The following CLSTN3 variants were observed in gnomAD, a reference collection of about 807,000 sequenced individuals.
CLSTN3 encodes the protein calsyntenin-3.
In CLSTN3, 36 loss-of-function variants were observed where a neutral mutation model predicts 95.9. The observed-to-expected ratio is 0.38, with a 90% CI of 0.29 to 0.50. The LOEUF (loss-of-function observed/expected upper bound fraction) is 0.50, where lower values mean the gene tolerates loss of function less well. Among genes scored for constraint, CLSTN3 ranks in the 20% least tolerant of loss-of-function variants. The pLI, the probability that CLSTN3 is intolerant of heterozygous loss-of-function variation, is 0.95. For missense variants in CLSTN3, 1,084 were observed against 1,268.8 expected (o/e 0.85, Z 2.21); for synonymous variants, 481 against 504.0 (o/e 0.95, Z 0.61).
At chr12:7,138,098 T>C in intron 8 of CLSTN3, 31 bp downstream of exon 8, 1 of 1,532,394 alleles carries the variant, frequency 6.5e-7, no homozygotes, top group South Asian at 1.1e-5. Flanking sequence ...CTGGGAGGGC[T>C]GAGTAGATGT....
rs202132447 is a variant in CLSTN3, at chr12:7,130,659, T to A, written c.11T>A (p.Leu4Gln). 524 of 1,570,988 alleles carry A rather than the reference T, an allele frequency of 3.3e-4. 5 individuals are homozygous for A. In the East Asian group the frequency reaches 8.5e-3, roughly 26 times the overall value. Residue 4 changes from leucine to glutamine, a missense_variant, in exon 1 of 18, where the codon CTG (leucine) becomes CAG (glutamine). Physicochemically the swap from Leu to Gln is moderately radical, Grantham distance 113 (BLOSUM62 -2). Transcript: ENST00000266546. Reference protein sequence around the residue: MTLLLLPLLLASLL... With the variant: MTLQLLPLLLASLL... ...GCCCCACGCCGCACCATGACCCTCC[T>A]GCTGCTGCCCCTTCTGCTGGCCTCT...
chr12:7,153,950 C>T (rs1939769211), intron 16 of CLSTN3, among the ~76,000 whole-genome samples: 1 of 152,198 alleles, frequency 6.6e-6, no homozygotes, highest in South Asian at 2.1e-4. Context: ...CACCCTTTCA[C>T]CTCCCCTCGG....
At chr12:7,136,116 C>A in intron 5 of CLSTN3, 90 bp from the exon 6 acceptor site, 1 of 1,522,242 alleles carries the variant, frequency 6.6e-7, no homozygotes, top group Non-Finnish European at 8.9e-7. Context: ...GAGCCCCAAA[C>A]TGTCCATGGA....
intron 12 of CLSTN3, 147 bp downstream of exon 12, chr12:7,143,458 C>T: frequency 3.7e-6 from 3 of 811,718 alleles, no homozygotes; most frequent in Non-Finnish European, 5.7e-6. Context: ...CAATTGACCA[C>T]TGAAGGTCAC....
At chr12:7,144,524 A>T (rs988359472) in intron 12 of CLSTN3, among the ~76,000 whole-genome samples, 1 of 152,184 alleles carries the variant, frequency 6.6e-6, no homozygotes, top group Non-Finnish European at 1.5e-5. Context: ...CCTAGCAGAG[A>T]GTGGATGCCG....
chr12:7,141,175 G>A lies in CLSTN3; in HGVS notation c.1324-67G>A. ...CCCCTGTCTCCCAGGAGATGGGGCA[G>A]TGCCTAGGGTTAGCTCTCTGAAGAC... On this transcript the variant is annotated intron_variant, in intron 8 of 17. Coordinates refer to ENST00000266546, the MANE Select transcript of CLSTN3 (RefSeq NM_014718.4). This position sits in a 1 kb window ranked among gnomAD's most constrained non-coding sequence, Gnocchi z 4.1. 1 of 1,518,314 alleles carries A rather than the reference G, an allele frequency of 6.6e-7. No homozygotes were observed. The highest frequency in any genetic ancestry group is 9.0e-7 in the Non-Finnish European group (1 of 1,116,676). The allele number at this position is 1,518,314 out of a possible 1,614,324, so 94.1% of individuals were successfully genotyped here. A position where few individuals can be genotyped will look rare whatever the true frequency, so the allele number is the denominator to read the frequency against.
chr12:7,151,067 C>A lies in CLSTN3; in HGVS notation c.2527+4C>A. On this transcript the variant is annotated splice_donor_region_variant and intron_variant, in intron 16 of 17. Transcript: ENST00000266546. ...GCCAGCTCCCACAGAAACTCCAGTA[C>A]GTAAGCCTGGTGGGGCTGGGCAGGG... 1 of 1,581,742 alleles carries A rather than the reference C, an allele frequency of 6.3e-7. No homozygotes were observed. Among genetic ancestry groups the A allele is most frequent in the South Asian group, 1.2e-5 (1 of 86,682 alleles).
chr12:7,151,841 C>G (rs1444007944), intron 16 of CLSTN3, among the ~76,000 whole-genome samples: 2 of 152,026 alleles, frequency 1.3e-5, no homozygotes, highest in Non-Finnish European at 2.9e-5. Flanking sequence ...TCACTTGAGT[C>G]CAGGAGTTTG....
At position 7,149,776 on chromosome 12, in the gene CLSTN3, C is replaced by T; in HGVS notation, c.2245+83C>T. ...GGCCTAGGAAGCCCAGAGGGTCCTC[C>T]TTCCAGGTCCAGGGATGTGGACAAG... On this transcript the variant is annotated intron_variant, in intron 14 of 17. Transcript: ENST00000266546. This position sits in a 1 kb window ranked among gnomAD's most constrained non-coding sequence, Gnocchi z 4.5. 7.5e-7 allele frequency: 1 copy of T among 1,327,718 alleles called. No homozygotes were observed. The highest frequency in any genetic ancestry group is 1.0e-6 in the Non-Finnish European group (1 of 963,960). 82.2% of individuals were successfully genotyped at this position (1,327,718 alleles called of 1,614,324 possible).
In CLSTN3 at chr12:7,157,551, G is replaced by A. The variant is rs769221007; in HGVS notation, c.2590G>A (p.Val864Ile). The A allele has an allele frequency of 1.9e-5, 30 of 1,611,596 alleles. No individual in the cohort carries two copies. Among genetic ancestry groups the A allele is most frequent in the African/African-American group, 6.7e-5 (5 of 74,772 alleles). Residue 864 changes from valine to isoleucine, a missense_variant, in exon 17 of 18, where the codon GTC (valine) becomes ATC (isoleucine). Val to Ile is a conservative substitution (Grantham distance 29). Transcript: ENST00000266546. The surrounding 1 kb of genome is among the most constrained non-coding windows in gnomAD (Gnocchi z 5.9). ...CGTGGGCTTCCTGGTGCTCATGGTC[G>A]TCCTGGGCCTGGTGCGCATCCATTC... is the stretch of plus-strand genomic sequence containing the variant. ...VCVGFLVLMVVLGLVRIHSLH... is the reference protein window; with the variant it reads ...VCVGFLVLMVILGLVRIHSLH...
intron 9 of CLSTN3, 29 bp from the exon 10 acceptor site, chr12:7,142,057 C>T (rs1319208805): frequency 7.2e-7 from 1 of 1,381,728 alleles, no homozygotes; most frequent in Admixed American, 2.3e-5. Context: ...AGCTCACCAG[C>T]ACTGTTTTTT....
chr12:7,130,324 T>G, upstream of CLSTN3: 34 of 797,920 alleles, frequency 4.3e-5, no homozygotes, highest in Admixed American at 5.5e-5. Flanking sequence ...CCCAGTCACC[T>G]GATTGGCCGG....
chr12:7,150,494 C>T lies in CLSTN3; in HGVS notation c.2246-50C>T, dbSNP rs763543068. On this transcript the variant is annotated intron_variant, in intron 14 of 17. Coordinates refer to ENST00000266546, the MANE Select transcript of CLSTN3 (RefSeq NM_014718.4). This position sits in a 1 kb window ranked among gnomAD's most constrained non-coding sequence, Gnocchi z 4.0. Reference sequence around the variant, plus strand: ...GGAGTCCAGGAGAGAGGGTCCTGCCCAGGTCCTGCCTCCACTGGCCCCTGC... The same window carrying T: ...GGAGTCCAGGAGAGAGGGTCCTGCCTAGGTCCTGCCTCCACTGGCCCCTGC... 1.3e-6 allele frequency: 2 copies of T among 1,581,116 alleles called. No homozygotes were observed. The highest frequency in any genetic ancestry group is 1.1e-5 in the South Asian group (1 of 88,710).
intron 8 of CLSTN3, chr12:7,138,731 TC>T (rs1229330153): frequency 6.6e-6 from 1 of 150,810 alleles, no homozygotes; most frequent in Non-Finnish European, 1.5e-5. Context: ...TTATTTATTC[TC>T]CAGGCTGACC....
rs755053248 is a variant in CLSTN3 at position 7,149,600 on chromosome 12, G to T, written c.2152G>T (p.Asp718Tyr). ...AATTTCTCTGGTGGGGGATGACCTG[G>T]ATCCCGAGCGGGAAAGCCTGCTCCT... is the stretch of plus-strand genomic sequence containing the variant. ...CEISLVGDDL[D>Y]PERESLLLDT... is the part of the protein sequence containing the mutation. The change falls in exon 14 of 18, where the codon GAT becomes TAT. Residue 718 changes from aspartate to tyrosine, a missense_variant. Physicochemically the swap from Asp to Tyr is radical, Grantham distance 160. Coordinates refer to ENST00000266546, the MANE Select transcript of CLSTN3 (RefSeq NM_014718.4). This position sits in a 1 kb window ranked among gnomAD's most constrained non-coding sequence, Gnocchi z 4.5. 1 of 1,614,176 alleles carries T rather than the reference G, an allele frequency of 6.2e-7. No individual in the cohort carries two copies. The highest frequency in any genetic ancestry group is 1.1e-5 in the South Asian group (1 of 91,084).
At position 7,141,339 on chromosome 12, in the gene CLSTN3, A is replaced by G. The variant is rs776643907; in HGVS notation, c.1421A>G (p.His474Arg). The G allele has an allele frequency of 1.2e-6, 2 of 1,614,156 alleles. No homozygotes were observed. Among genetic ancestry groups the G allele is most frequent in the South Asian group, 2.2e-5 (2 of 91,080 alleles). The change falls in exon 9 of 18, where the codon CAT becomes CGT. Residue 474 changes from histidine to arginine, a missense_variant. By Grantham distance (29) the His-to-Arg change is conservative. Coordinates refer to ENST00000266546, the MANE Select transcript of CLSTN3 (RefSeq NM_014718.4). This position sits in a 1 kb window ranked among gnomAD's most constrained non-coding sequence, Gnocchi z 4.1. The part of the protein sequence containing the change: ...DGISFDPALI[H>R]DNGLIHPPRR... ...ATCTCCTTCGACCCTGCCCTCATCC[A>G]TGACAATGGCCTCATCCACCCACCC...
chr12:7,142,884 T>C lies in CLSTN3; in HGVS notation c.1556T>C (p.Ile519Thr). The change falls in exon 11 of 18, where the codon ATC becomes ACC. Residue 519 changes from isoleucine to threonine, a missense_variant. Physicochemically the swap from Ile to Thr is moderately conservative, Grantham distance 89. Coordinates refer to ENST00000266546, the MANE Select transcript of CLSTN3 (RefSeq NM_014718.4). The stretch of plus-strand genomic sequence containing the variant: ...CCTACCCTAGGAGACCCTTTGTCGA[T>C]CCACCACTACTTCCATGGCTACCTG... The part of the protein sequence containing the change: ...TDTTQGDPLS[I>T]HHYFHGYLAG... 1 of 1,614,162 alleles carries C rather than the reference T, an allele frequency of 6.2e-7. No homozygotes were observed. Among genetic ancestry groups the C allele is most frequent in the Non-Finnish European group, 8.5e-7 (1 of 1,180,014 alleles).
chr12:7,150,898 G>T lies in CLSTN3; in HGVS notation c.2392-30G>T. The T allele has an allele frequency of 1.3e-6, 2 of 1,559,738 alleles. No homozygotes were observed. Among genetic ancestry groups the T allele is most frequent in the South Asian group, 1.2e-5 (1 of 83,604 alleles). On this transcript the variant is annotated intron_variant, in intron 15 of 17. Coordinates refer to ENST00000266546, the MANE Select transcript of CLSTN3 (RefSeq NM_014718.4). This position sits in a 1 kb window ranked among gnomAD's most constrained non-coding sequence, Gnocchi z 4.0. The stretch of plus-strand genomic sequence containing the variant: ...AGTGGGGAGGACCTGGGAGAAGCGT[G>T]TGTGCCCATGGAGCCCTCCCTCTGC...
intron 16 of CLSTN3, among the ~76,000 whole-genome samples, chr12:7,154,420 G>A (rs1157031211): frequency 6.6e-6 from 1 of 152,206 alleles, no homozygotes; most frequent in Non-Finnish European, 1.5e-5. Context: ...TGTAGAGTTT[G>A]CATTTGGACC....
Sources: allele counts gnomAD v4.1 joint callset (sites outside exome capture counted in the v4.1 genomes callset), GRCh38; gene constraint gnomAD v4.1.1; non-coding constraint Gnocchi (gnomAD v3.1); transcripts MANE v1.5; gene names NCBI Gene and HGNC (gene_info 2026-07-23, HGNC 2026-07-21).